Variants in TMEM165 observed in about 807,000 individuals in gnomAD.
TMEM165 encodes the protein transmembrane protein 165.
A neutral mutation model predicts 30.0 loss-of-function variants in TMEM165; 19 were observed. The observed-to-expected ratio is 0.63, with a 90% CI of 0.44 to 0.93. TMEM165 has a LOEUF of 0.93. Among genes scored for constraint, TMEM165 ranks in the 40% least tolerant of loss-of-function variants. The pLI is 0.00. For missense variants in TMEM165, 340 were observed against 417.0 expected, an observed-to-expected ratio of 0.82 and a Z score of 1.61; for synonymous variants, 168 against 162.9, an observed-to-expected ratio of 1.03 and a Z score of -0.24.
At chr4:55,397,958 G>C (rs1254720145) in intron 1 of TMEM165, among the ~76,000 whole-genome samples, 2 of 151,666 alleles carry the variant, frequency 1.3e-5, no homozygotes, top group African/African-American at 4.9e-5. Flanking sequence ...GCCGAGTCTA[G>C]TCTCAAACTC....
At chr4:55,403,839 G>T (rs567809562) in intron 1 of TMEM165, among the ~76,000 whole-genome samples, 1 of 152,086 alleles carries the variant, frequency 6.6e-6, no homozygotes, top group African/African-American at 2.4e-5. Flanking sequence ...GTCATCCTTT[G>T]TGTACCTCCT....
chr4:55,429,795 A>G (rs557422257), downstream of TMEM165: 24 of 152,330 alleles, frequency 1.6e-4, no homozygotes, highest in South Asian at 4.1e-3. Flanking sequence ...TTGGAACTGT[A>G]TGAATCAGAT....
At chr4:55,433,577 G>A (rs1055739124) in intron 3 of TMEM165, 1 of 152,032 alleles carries the variant, frequency 6.6e-6, no homozygotes, top group Non-Finnish European at 1.5e-5. Context: ...CCTCAACTCT[G>A]TTACACATTT....
chr4:55,427,059 A>T (rs1353249244), downstream of TMEM165, among the ~76,000 whole-genome samples: 2 of 132,202 alleles, frequency 1.5e-5, no homozygotes, highest in Non-Finnish European at 3.2e-5. Flanking sequence ...TTTTTGAGAG[A>T]GTCTCACTCT....
At chr4:55,421,498 A>G (rs1383832120) in intron 4 of TMEM165, among the ~76,000 whole-genome samples, 2 of 151,890 alleles carry the variant, frequency 1.3e-5, no homozygotes, top group East Asian at 2.0e-4. Context: ...GGGTTTTGCC[A>G]TGTTGCAGAG....
chr4:55,420,130 TTTATTTATTTATTTA>T (rs1195581104), intron 4 of TMEM165, among the ~76,000 whole-genome samples: 1 of 39,272 alleles, frequency 2.5e-5, no homozygotes, highest in Non-Finnish European at 4.6e-5. Context: ...TACATATATA[TTTATTTATTTATTTA>T]TTTTATTTAT....
In TMEM165 at chr4:55,453,236, C is replaced by G. The variant is rs1724626231; in HGVS notation, c.*930C>G. The G allele has an allele frequency of 8.7e-6, 8 of 917,582 alleles. No homozygotes were observed. In the East Asian group the frequency reaches 2.0e-4, roughly 23 times the overall value. The allele number at this position is 917,582 out of a possible 1,614,324, so 56.8% of individuals were successfully genotyped here. ...TACGTGTCTCATCTGTTCATCTAGA[C>G]TATTTGCTATGTGCTACACAAACCT... On this transcript the variant is annotated 3_prime_UTR_variant, in exon 4 of 4. Transcript: ENST00000608091.
chr4:55,414,788 C>T (rs1721658912), intron 2 of TMEM165, among the ~76,000 whole-genome samples: 1 of 152,144 alleles, frequency 6.6e-6, no homozygotes, highest in Admixed American at 6.5e-5. Context: ...CTCCTCCCTC[C>T]ACCCCAGGAA....
In TMEM165 at chr4:55,445,504, T is replaced by C. The variant is rs150766208; in HGVS notation, c.409-6735T>C. Among the ~76,000 whole-genome samples the C allele has an allele frequency of 6.2e-3, 935 of 151,962 alleles. 17 individuals carry two copies. The highest frequency in any genetic ancestry group is 0.021 in the African/African-American group (869 of 41,448). On this transcript the variant is annotated intron_variant, in intron 3 of 3. Coordinates refer to the TMEM165 transcript ENST00000608091. ...GGTTAGGAGCTTGTGGGGAGTCTTC[T>C]AAGTATGTTCCTTCCTTGGGTACTC...
At chr4:55,424,974 T>C (rs993169285) in intron 5 of TMEM165, among the ~76,000 whole-genome samples, 2 of 152,244 alleles carry the variant, frequency 1.3e-5, no homozygotes, top group African/African-American at 4.8e-5. Flanking sequence ...GGAGACCATA[T>C]GTACTGATTC....
chr4:55,435,407 C>T lies in TMEM165; in HGVS notation c.408+10764C>T, dbSNP rs1425730296. ...CCTCCCTTGATGTCAAGAGAGGAAG[C>T]ACGTGTGCTACTGTGGTTGAACCTT... On this transcript the variant is annotated intron_variant, in intron 3 of 3. Coordinates refer to the TMEM165 transcript ENST00000608091. 11 of 1,613,840 alleles carry T rather than the reference C, an allele frequency of 6.8e-6. No homozygotes were observed. In the South Asian group the frequency reaches 1.2e-4, roughly 18 times the overall value.
intron 3 of TMEM165, chr4:55,432,624 A>T: frequency 7.8e-6 from 1 of 128,094 alleles, no homozygotes. Context: ...TTCATGGGGC[A>T]GGGTGGGGGG....
At chr4:55,444,960 C>T (rs1002171840) in intron 3 of TMEM165, among the ~76,000 whole-genome samples, 5 of 152,100 alleles carry the variant, frequency 3.3e-5, no homozygotes, top group Non-Finnish European at 7.3e-5. Flanking sequence ...AATATTGGAC[C>T]TGGACCTTCA....
intron 1 of TMEM165, among the ~76,000 whole-genome samples, chr4:55,401,203 A>G (rs1720982897): frequency 1.3e-5 from 2 of 150,292 alleles, no homozygotes; most frequent in South Asian, 2.1e-4. Context: ...GCTTTTCTCT[A>G]TAATTAGGCT....
rs971619908 is a variant in TMEM165 at position 55,396,497 on chromosome 4, G to C, written c.207+101G>C. The C allele has an allele frequency of 5.9e-5, 63 of 1,067,680 alleles. No individual in the cohort carries two copies. In the Admixed American group the frequency reaches 1.1e-3, roughly 19 times the overall value. 66.1% of individuals were successfully genotyped at this position (1,067,680 alleles called of 1,614,324 possible). A position where few individuals can be genotyped will look rare whatever the true frequency, so the allele number is the denominator to read the frequency against. On this transcript the variant is annotated intron_variant, in intron 1 of 5. Coordinates refer to ENST00000381334, the MANE Select transcript of TMEM165 (RefSeq NM_018475.5). Reference sequence around the variant, plus strand: ...CGCCGCACTCCGCCGGCCTCGGCTGGGGGAGGGGAGCCCGGCCCCTGCTCC... The same window carrying C: ...CGCCGCACTCCGCCGGCCTCGGCTGCGGGAGGGGAGCCCGGCCCCTGCTCC...
chr4:55,446,102 T>TTC lies in TMEM165; in HGVS notation c.409-6136_409-6135insCT, dbSNP rs200308983. On this transcript the variant is annotated intron_variant, in intron 3 of 3. Coordinates refer to the TMEM165 transcript ENST00000608091. ...ACTTACTGGAAAAAAATTTAACTTC[T>TTC]TTTTTTTTTTTTTTTTTTTGAGACA... Among the ~76,000 whole-genome samples the TTC allele has an allele frequency of 0.012, 411 of 33,746 alleles. 7 individuals are homozygous for TTC. In the South Asian group the frequency reaches 0.13, roughly 11 times the overall value. The allele number at this position is 33,746 out of a possible 152,430, so 22.1% of individuals were successfully genotyped here.
intron 2 of TMEM165, chr4:55,415,316 C>T (rs552146326): frequency 3.8e-4 from 58 of 152,128 alleles, no homozygotes; most frequent in African/African-American, 1.3e-3. Flanking sequence ...TTAAATTATC[C>T]GATGTTAGGC....
intron 2 of TMEM165, chr4:55,415,284 A>G (rs928032927): frequency 1.3e-5 from 2 of 152,162 alleles, no homozygotes; most frequent in African/African-American, 2.4e-5. Flanking sequence ...GTTTATAATT[A>G]ATTATTTAAC....
intron 3 of TMEM165, among the ~76,000 whole-genome samples, chr4:55,448,556 C>T (rs182692635): frequency 6.3e-4 from 95 of 151,806 alleles, no homozygotes; most frequent in African/African-American, 2.1e-3. Flanking sequence ...TTAAGATTCA[C>T]TGCATCTGTA....
Sources: gnomAD v4.1 joint callset for allele counts (sites outside exome capture counted in the v4.1 genomes callset) on GRCh38, gnomAD v4.1.1 for gene constraint, MANE v1.5 for transcripts, NCBI Gene and HGNC (gene_info 2026-07-23, HGNC 2026-07-21) for gene names.